CPNE1: variants seen among roughly 807,000 people sequenced by gnomAD.
CPNE1 encodes the protein copine 1.
Under a neutral mutation model 63.2 loss-of-function variants are expected in CPNE1, and 58 were observed. That is an observed-to-expected ratio of 0.92 (90% CI 0.74 to 1.14). The LOEUF is 1.14. Among genes scored for constraint, CPNE1 ranks in the 50% most tolerant of loss-of-function variants. The pLI is 0.00. For synonymous variants in CPNE1, 237 were observed against 249.0 expected, an observed-to-expected ratio of 0.95 and a Z score of 0.45; for missense variants, 672 against 661.7, an observed-to-expected ratio of 1.02 and a Z score of -0.17.
intron 1 of CPNE1, chr20:35,643,429 C>A (rs2032929890): frequency 6.6e-6 from 1 of 152,182 alleles, no homozygotes; most frequent in African/African-American, 2.4e-5. Flanking sequence ...TCTGAACACA[C>A]CAACACAAAG....
chr20:35,635,463 C>T (rs1400229837), intron 1 of CPNE1, among the ~76,000 whole-genome samples: 1 of 152,134 alleles, frequency 6.6e-6, no homozygotes, highest in Non-Finnish European at 1.5e-5. Context: ...TGATGTCTCG[C>T]CCTTGTAATC....
At chr20:35,654,959 T>C (rs751382843) in intron 1 of CPNE1, 6 of 1,614,034 alleles carry the variant, frequency 3.7e-6, no homozygotes, top group Non-Finnish European at 5.1e-6. Context: ...TTGGATACTG[T>C]TGTGGGCAAG....
intron 1 of CPNE1, chr20:35,652,306 T>C (rs2033579474): frequency 5.9e-6 from 3 of 508,480 alleles, no homozygotes; most frequent in Non-Finnish European, 6.9e-6. Context: ...AAATCATTTA[T>C]GTGTTCTCTC....
At chr20:35,633,015 C>T in intron 1 of CPNE1, 92 bp from the exon 2 acceptor site, 1 of 801,198 alleles carries the variant, frequency 1.2e-6, no homozygotes, top group Non-Finnish European at 2.1e-6. Flanking sequence ...GCAGGCATCA[C>T]CCAGGCAGGG....
intron 1 of CPNE1, among the ~76,000 whole-genome samples, chr20:35,634,165 G>A (rs1364793029): frequency 6.6e-6 from 1 of 150,626 alleles, no homozygotes; most frequent in Non-Finnish European, 1.5e-5. Context: ...GGAGGCTGAG[G>A]CAGGAGAATG....
At position 35,652,940 on chromosome 20, in the gene CPNE1, C is replaced by A. The variant is rs1310162797; in HGVS notation, c.-1+11820G>T. The stretch of plus-strand genomic sequence containing the variant: ...GGGGGACCGCCTAAGCTACCAGGGC[C>A]ATTTCCAAAATTCTGAGGGCCCCCT... On this transcript the variant is annotated intron_variant, in intron 1 of 15. Transcript: ENST00000397443. The A allele has an allele frequency of 2.5e-6, 4 of 1,613,692 alleles. No homozygotes were observed. The highest frequency in any genetic ancestry group is 2.7e-5 in the African/African-American group (2 of 74,950).
Position 35,630,950 on chromosome 20 carries a change from A to G in CPNE1, c.946T>C (p.Tyr316His). 6.2e-7 allele frequency: 1 copy of G among 1,613,850 alleles called. No homozygotes were observed. Among genetic ancestry groups the G allele is most frequent in the Non-Finnish European group, 8.5e-7 (1 of 1,179,830 alleles). Residue 316 changes from tyrosine to histidine, a missense_variant, in exon 11 of 16, where the codon TAC (tyrosine) becomes CAC (histidine). Transcript: ENST00000397443. Reference sequence around the variant, plus strand: ...CCCACACTCCACAGTGCCATCAGGTACTCATTGACCCCTGTTGGACTCAGG... The same window carrying G: ...CCCACACTCCACAGTGCCATCAGGTGCTCATTGACCCCTGTTGGACTCAGG... ...HYLSPTGVNE[Y>H]LMALWSVGSV...
chr20:35,662,737 CAA>C (rs2034302652), intron 1 of CPNE1, among the ~76,000 whole-genome samples: 1 of 152,172 alleles, frequency 6.6e-6, no homozygotes, highest in Non-Finnish European at 1.5e-5. Flanking sequence ...CCCACAACAT[CAA>C]GTTTCACACC....
intron 1 of CPNE1, among the ~76,000 whole-genome samples, chr20:35,660,732 C>T (rs1392518619): frequency 1.3e-5 from 2 of 152,172 alleles, no homozygotes; most frequent in Admixed American, 6.5e-5. Flanking sequence ...TTGTAATAAA[C>T]ATCTGATCCC....
intron 1 of CPNE1, chr20:35,653,050 C>T (rs1470267944): frequency 1.2e-6 from 2 of 1,613,934 alleles, no homozygotes; most frequent in Non-Finnish European, 1.7e-6. Flanking sequence ...ACCACTGTTT[C>T]CAACTGAAGG....
chr20:35,653,819 C>A, intron 1 of CPNE1: 1 of 1,613,862 alleles, frequency 6.2e-7, no homozygotes, highest in Non-Finnish European at 8.5e-7. Context: ...ATTGGATGAA[C>A]TTGAATAAAG....
At chr20:35,639,164 C>G (rs1165394520) in intron 1 of CPNE1, among the ~76,000 whole-genome samples, 1 of 151,128 alleles carries the variant, frequency 6.6e-6, no homozygotes, top group South Asian at 2.1e-4. Flanking sequence ...GAAATGTTTA[C>G]AAGTGTACCG....
intron 13 of CPNE1, 84 bp downstream of exon 13, chr20:35,630,355 C>A: frequency 9.7e-7 from 1 of 1,026,274 alleles, no homozygotes. Flanking sequence ...AGGCAGGTAT[C>A]TGCCCCCACT....
intron 1 of CPNE1, chr20:35,654,943 T>C (rs758172641): frequency 1.2e-6 from 2 of 1,614,186 alleles, no homozygotes; most frequent in East Asian, 2.2e-5. Context: ...TGATGGATTA[T>C]TAAAGTTGGA....
chr20:35,638,562 T>C (rs978037981), intron 1 of CPNE1, among the ~76,000 whole-genome samples: 1 of 152,212 alleles, frequency 6.6e-6, no homozygotes, highest in Non-Finnish European at 1.5e-5. Context: ...AAGCATTAAA[T>C]GTACCACTTT....
At chr20:35,626,540 T>C in intron 15 of CPNE1, 27 bp downstream of exon 15, 1 of 1,608,246 alleles carries the variant, frequency 6.2e-7, no homozygotes, top group Non-Finnish European at 8.5e-7. Flanking sequence ...AAGGGTAAAC[T>C]CCCAGATCAA....
chr20:35,647,585 T>C (rs1251944971), intron 1 of CPNE1, among the ~76,000 whole-genome samples: 1 of 152,068 alleles, frequency 6.6e-6, no homozygotes, highest in East Asian at 1.9e-4. Context: ...CAGGTGGCTT[T>C]TTCCTCCTTC....
At chr20:35,643,296 T>G (rs1568923088) in intron 1 of CPNE1, 1 of 153,878 alleles carries the variant, frequency 6.5e-6, no homozygotes, top group African/African-American at 2.4e-5. Flanking sequence ...CGACCATCCC[T>G]GAGAGAGGAG....
rs1461218336 is a variant in CPNE1, at chr20:35,631,295, A to C, written c.774T>G (p.Ser258=). 1 of 1,614,192 alleles carries C rather than the reference A, an allele frequency of 6.2e-7. No individual in the cohort carries two copies. Among genetic ancestry groups the C allele is most frequent in the East Asian group, 2.2e-5 (1 of 44,888 alleles). The change falls in exon 9 of 16, where the codon TCT becomes TCG. Residue 258 remains serine, a synonymous_variant. Coordinates refer to ENST00000397443, the MANE Select transcript of CPNE1 (RefSeq NM_152925.3). ...KQQKKKSYKN[S]GTIRVKICRV... ...GACAAATCTTGACACGGATAGTTCC[A>C]GAGTTCTTGTAGCTTTTCTTTTTCT...
Sources: allele counts gnomAD v4.1 joint callset (sites outside exome capture counted in the v4.1 genomes callset), GRCh38; gene constraint gnomAD v4.1.1; transcripts MANE v1.5; gene names NCBI Gene and HGNC (gene_info 2026-07-23, HGNC 2026-07-21).